Variants in AUTS2 observed in about 807,000 individuals in gnomAD.
The protein encoded by AUTS2 is activator of transcription and developmental regulator AUTS2, also known as autism susceptibility gene 2 protein.
A neutral mutation model predicts 112.4 loss-of-function variants in AUTS2; 17 were observed. The ratio of observed to expected loss-of-function variants is 0.15; its 90% CI spans 0.10 to 0.23. AUTS2 has a LOEUF of 0.23. Ranked by LOEUF, AUTS2 falls within the 10% of genes least tolerant of loss-of-function variation. The pLI, the probability that AUTS2 is intolerant of heterozygous loss-of-function variation, is 1.00. For missense variants in AUTS2, 1,510 were observed against 1,701.6 expected, an observed-to-expected ratio of 0.89 and a Z score of 1.98; for synonymous variants, 751 against 702.7, an observed-to-expected ratio of 1.07 and a Z score of -1.09.
chr7:70,589,528 A>G (rs1341473347), intron 5 of AUTS2, among the ~76,000 whole-genome samples: 1 of 152,198 alleles, frequency 6.6e-6, no homozygotes, highest in South Asian at 2.1e-4. Context: ...AGCCTAGCCA[A>G]CATGGCGAAA....
chr7:69,709,240 C>G (rs1798202356), intron 1 of AUTS2, among the ~76,000 whole-genome samples: 1 of 152,174 alleles, frequency 6.6e-6, no homozygotes, highest in Admixed American at 6.5e-5. Context: ...TTTGCGAAAC[C>G]AGGCTCAGAC....
At chr7:69,903,627 C>A (rs1370958289) in intron 2 of AUTS2, among the ~76,000 whole-genome samples, 1 of 152,140 alleles carries the variant, frequency 6.6e-6, no homozygotes, top group African/African-American at 2.4e-5. Flanking sequence ...CAAGATGAAT[C>A]ATCAAAATAA....
intron 4 of AUTS2, among the ~76,000 whole-genome samples, chr7:70,230,090 A>ATT (rs151261237): frequency 4.6e-5 from 7 of 151,706 alleles, no homozygotes; most frequent in East Asian, 1.9e-4. Context: ...GTATCTATTG[A>ATT]CTTTTTTTTC....
chr7:70,395,366 A>G (rs1794033394), intron 4 of AUTS2, among the ~76,000 whole-genome samples: 2 of 152,194 alleles, frequency 1.3e-5, no homozygotes. Context: ...AACTTGCCAC[A>G]TCTTAAGTGA....
intron 1 of AUTS2, among the ~76,000 whole-genome samples, chr7:69,802,143 GT>G (rs1790113532): frequency 6.6e-6 from 1 of 152,192 alleles, no homozygotes; most frequent in South Asian, 2.1e-4. Context: ...ATCTGCAAAT[GT>G]TTCCTGTCTT....
intron 5 of AUTS2, among the ~76,000 whole-genome samples, chr7:70,439,981 GT>G (rs1796060589): frequency 6.6e-6 from 1 of 152,132 alleles, no homozygotes; most frequent in Admixed American, 6.5e-5. Flanking sequence ...GCTGACACAT[GT>G]TTCTGACTCT....
At chr7:69,757,166 A>G (rs1390096884) in intron 1 of AUTS2, among the ~76,000 whole-genome samples, 1 of 152,190 alleles carries the variant, frequency 6.6e-6, no homozygotes, top group African/African-American at 2.4e-5. Flanking sequence ...AACCTCTGCT[A>G]TAAGCACTAT....
chr7:70,464,599 T>C (rs1299721999), intron 5 of AUTS2, among the ~76,000 whole-genome samples: 1 of 152,186 alleles, frequency 6.6e-6, no homozygotes, highest in Non-Finnish European at 1.5e-5. Context: ...CATTACCTAA[T>C]ATTATAAGAC....
chr7:69,651,748 GA>G (rs1795298049), intron 1 of AUTS2, among the ~76,000 whole-genome samples: 1 of 152,196 alleles, frequency 6.6e-6, no homozygotes, highest in Non-Finnish European at 1.5e-5. Flanking sequence ...ATCAACATGT[GA>G]AATCTTCCTT....
At chr7:69,825,137 G>A (rs1170203726) in intron 1 of AUTS2, among the ~76,000 whole-genome samples, 1 of 152,030 alleles carries the variant, frequency 6.6e-6, no homozygotes, top group African/African-American at 2.4e-5. Context: ...ATTAATTTTT[G>A]CAATCCATAT....
At chr7:70,351,005 T>C (rs1266669063) in intron 4 of AUTS2, among the ~76,000 whole-genome samples, 4 of 152,032 alleles carry the variant, frequency 2.6e-5, no homozygotes, top group Non-Finnish European at 5.9e-5. Context: ...ATTTCACTTA[T>C]CATCGTGTTC....
At position 70,134,572 on chromosome 7, in the gene AUTS2, G is replaced by C; in HGVS notation, c.660+1G>C. ...TTCCAGCTTGGGAACAGGCTACTTC[G>C]TAAGTCTATCTCAACTTCCACATAT... is the stretch of plus-strand genomic sequence containing the variant. On this transcript the variant is annotated splice_donor_variant, in intron 4 of 18. Coordinates refer to ENST00000342771, the MANE Select transcript of AUTS2 (RefSeq NM_015570.4). LOFTEE classifies it high-confidence loss of function. 1 of 1,613,444 alleles carries C rather than the reference G, an allele frequency of 6.2e-7. No individual in the cohort carries two copies. The highest frequency in any genetic ancestry group is 8.5e-7 in the Non-Finnish European group (1 of 1,179,568).
chr7:70,643,050 C>T (rs1049799705), intron 5 of AUTS2, among the ~76,000 whole-genome samples: 11 of 152,188 alleles, frequency 7.2e-5, no homozygotes, highest in Non-Finnish European at 1.3e-4. Flanking sequence ...GTGATATTCC[C>T]GTCTCCTCAT....
chr7:70,777,791 G>GAAAT (rs1790803195), intron 14 of AUTS2, among the ~76,000 whole-genome samples: 1 of 152,166 alleles, frequency 6.6e-6, no homozygotes, highest in Non-Finnish European at 1.5e-5. Context: ...AAAGCTTTTG[G>GAAAT]AAATAAAATT....
intron 2 of AUTS2, among the ~76,000 whole-genome samples, chr7:69,963,109 A>G (rs1007998395): frequency 6.6e-6 from 1 of 152,138 alleles, no homozygotes; most frequent in Non-Finnish European, 1.5e-5. Context: ...ACAAAACAAA[A>G]AAGGTGGGTG....
chr7:70,428,500 C>T lies in AUTS2; in HGVS notation c.661-7252C>T, dbSNP rs75156037. Among the ~76,000 whole-genome samples the T allele has an allele frequency of 2.3e-3, 351 of 152,188 alleles. 8 individuals are homozygous for T. In the East Asian group the frequency reaches 0.045, roughly 20 times the overall value. ...GATGTCTTTAAGGTCTTAGATAAACCGCCTGCCCCAAAGGAGAATCGATTT... is the reference window on the plus strand; with the variant it reads ...GATGTCTTTAAGGTCTTAGATAAACTGCCTGCCCCAAAGGAGAATCGATTT... On this transcript the variant is annotated intron_variant, in intron 4 of 18. Transcript: ENST00000342771.
intron 5 of AUTS2, among the ~76,000 whole-genome samples, chr7:70,647,785 G>A (rs1261908892): frequency 1.3e-5 from 2 of 152,178 alleles, no homozygotes; most frequent in Admixed American, 6.5e-5. Context: ...GGTGGCATAC[G>A]TGGTACAAGG....
At chr7:70,211,347 TTA>T (rs140996372) in intron 4 of AUTS2, among the ~76,000 whole-genome samples, 20,873 of 149,400 alleles carry the variant, frequency 0.14, 1,421 homozygotes, top group East Asian at 0.21. Flanking sequence ...TTTTTTTTTT[TTA>T]AAAGAAAAAA....
rs115408898 is a variant in AUTS2, at chr7:70,400,817, C to T, written c.661-34935C>T. 1.6e-3 allele frequency among the ~76,000 whole-genome samples: 246 copies of T among 152,278 alleles called. 1 individual carries two copies. Among genetic ancestry groups the T allele is most frequent in the African/African-American group, 5.6e-3 (234 of 41,552 alleles). On this transcript the variant is annotated intron_variant, in intron 4 of 18. Coordinates refer to ENST00000342771, the MANE Select transcript of AUTS2 (RefSeq NM_015570.4). ...ACATATACCTTGGGCCCCACCCAGACTTACTCAATCCTAATCTATAGGTTT... is the reference window on the plus strand; with the variant it reads ...ACATATACCTTGGGCCCCACCCAGATTTACTCAATCCTAATCTATAGGTTT...
Sources: gnomAD v4.1 joint callset for allele counts (sites outside exome capture counted in the v4.1 genomes callset) on GRCh38, gnomAD v4.1.1 for gene constraint, MANE v1.5 for transcripts, NCBI Gene and HGNC (gene_info 2026-07-23, HGNC 2026-07-21) for gene names.